Variants in ASCC3 observed in about 807,000 individuals in gnomAD.
The protein encoded by ASCC3 is ASC-1 complex subunit P200.
In ASCC3, 158 loss-of-function variants were observed where a neutral mutation model predicts 256.3. The ratio of observed to expected loss-of-function variants is 0.62; its 90% CI spans 0.54 to 0.70. The LOEUF is 0.70. Ranked by LOEUF, ASCC3 falls within the 30% of genes least tolerant of loss-of-function variation. The pLI is 0.00. For missense variants in ASCC3, 2,259 were observed against 2,626.0 expected, an observed-to-expected ratio of 0.86 and a Z score of 3.05; for synonymous variants, 948 against 883.4, an observed-to-expected ratio of 1.07 and a Z score of -1.30.
At chr6:100,855,112 T>C (rs991454292) in intron 3 of ASCC3, among the ~76,000 whole-genome samples, 35 of 91,636 alleles carry the variant, frequency 3.8e-4, no homozygotes, top group African/African-American at 7.9e-4. Flanking sequence ...TCAAGAACCT[T>C]TTTTTTTTTT....
At chr6:100,636,870 G>C (rs1774872241) in intron 25 of ASCC3, among the ~76,000 whole-genome samples, 1 of 152,304 alleles carries the variant, frequency 6.6e-6, no homozygotes, top group Non-Finnish European at 1.5e-5. Context: ...GCTGAGAGTG[G>C]TGAGGACACT....
intron 13 of ASCC3, among the ~76,000 whole-genome samples, chr6:100,701,473 C>T (rs1037148616): frequency 2.6e-5 from 4 of 152,080 alleles, no homozygotes; most frequent in Non-Finnish European, 5.9e-5. Flanking sequence ...AAAACCTCTT[C>T]CTTGTGTAAA....
chr6:100,706,194 G>T (rs1582730437), intron 13 of ASCC3, among the ~76,000 whole-genome samples: 1 of 7,300 alleles, frequency 1.4e-4, no homozygotes, highest in African/African-American at 1.5e-4. Context: ...TTTAGATAAC[G>T]TGAAAAACTG....
At chr6:100,627,313 A>G (rs1211751461) in intron 29 of ASCC3, among the ~76,000 whole-genome samples, 1 of 152,156 alleles carries the variant, frequency 6.6e-6, no homozygotes, top group Non-Finnish European at 1.5e-5. Flanking sequence ...TACTATCATA[A>G]AAACACTTTG....
At chr6:100,628,918 A>AAT in intron 27 of ASCC3, 97 bp downstream of exon 27, 4 of 1,149,640 alleles carry the variant, frequency 3.5e-6, no homozygotes, top group South Asian at 1.5e-5. Context: ...GTGCCCTAGA[A>AAT]ATATATATAA....
At chr6:100,872,555 C>T (rs1773798221) in intron 1 of ASCC3, among the ~76,000 whole-genome samples, 2 of 151,862 alleles carry the variant, frequency 1.3e-5, no homozygotes, top group Admixed American at 6.6e-5. Flanking sequence ...GCATTGTAAA[C>T]TCTTGCTCCA....
chr6:100,695,633 C>T (rs1778046260), intron 13 of ASCC3, among the ~76,000 whole-genome samples: 1 of 152,196 alleles, frequency 6.6e-6, no homozygotes, highest in African/African-American at 2.4e-5. Flanking sequence ...AAGATATAGG[C>T]CTTCCTTTCC....
At chr6:100,853,790 A>C (rs1042563059) in intron 3 of ASCC3, among the ~76,000 whole-genome samples, 5 of 152,178 alleles carry the variant, frequency 3.3e-5, no homozygotes, top group African/African-American at 1.2e-4. Flanking sequence ...GAAGTTGTCA[A>C]CAAATGAGTT....
At chr6:100,879,644 C>A (rs1351644391) in intron 1 of ASCC3, among the ~76,000 whole-genome samples, 1 of 147,612 alleles carries the variant, frequency 6.8e-6, no homozygotes, top group African/African-American at 2.4e-5. Context: ...CTGATTTCTA[C>A]CTCAAAAGAA....
At chr6:100,728,427 G>T (rs547343936) in intron 10 of ASCC3, among the ~76,000 whole-genome samples, 19 of 152,080 alleles carry the variant, frequency 1.2e-4, no homozygotes, top group Admixed American at 1.0e-3. Context: ...TTGAAAAACT[G>T]CTTGGTAACA....
Position 100,627,846 on chromosome 6 carries a change from T to A in ASCC3, c.4517A>T (p.Lys1506Met), listed in dbSNP as rs1191463551. The change falls in exon 28 of 42, where the codon AAG becomes ATG. Residue 1506 changes from lysine to methionine, a missense_variant. Physicochemically the swap from Lys to Met is moderately conservative, Grantham distance 95. Transcript: ENST00000369162. Reference protein sequence around the residue: ...ARDLADWLNIKQMGLFNFRPS... With the variant: ...ARDLADWLNIMQMGLFNFRPS... ...ATTTATCAATCTTCTACATACCTGC[T>A]TAATATTGAGCCAATCAGCAAGGTC... 1 of 1,613,552 alleles carries A rather than the reference T, an allele frequency of 6.2e-7. No individual in the cohort carries two copies. Among genetic ancestry groups the A allele is most frequent in the Non-Finnish European group, 8.5e-7 (1 of 1,179,788 alleles).
chr6:100,608,090 C>CTA (rs1474884642), intron 30 of ASCC3, among the ~76,000 whole-genome samples: 12,495 of 70,156 alleles, frequency 0.18, 2,268 homozygotes, highest in Middle Eastern at 0.26. Flanking sequence ...GTATATATAT[C>CTA]TATATACACA....
intron 33 of ASCC3, among the ~76,000 whole-genome samples, chr6:100,603,889 T>C (rs1772750920): frequency 6.6e-6 from 1 of 152,102 alleles, no homozygotes; most frequent in African/African-American, 2.4e-5. Context: ...GTTTGTTATA[T>C]TCCCTTCTCG....
chr6:100,612,936 G>A, intron 30 of ASCC3, among the ~76,000 whole-genome samples: 1 of 151,698 alleles, frequency 6.6e-6, no homozygotes, highest in South Asian at 2.1e-4. Flanking sequence ...ATATATAAGT[G>A]AAATATAAAT....
At chr6:100,619,791 G>A (rs1773854984) in intron 30 of ASCC3, among the ~76,000 whole-genome samples, 1 of 151,908 alleles carries the variant, frequency 6.6e-6, no homozygotes, top group Non-Finnish European at 1.5e-5. Flanking sequence ...GTAGAATACG[G>A]CATTAGTTAG....
At chr6:100,796,550 T>A (rs572497144) in intron 8 of ASCC3, among the ~76,000 whole-genome samples, 4 of 152,172 alleles carry the variant, frequency 2.6e-5, no homozygotes, top group South Asian at 4.1e-4. Flanking sequence ...CCTAACCTGA[T>A]AGGGCTGGTG....
chr6:100,527,175 T>C (rs756274095), intron 37 of ASCC3, among the ~76,000 whole-genome samples: 6 of 152,190 alleles, frequency 3.9e-5, no homozygotes, highest in Non-Finnish European at 8.8e-5. Flanking sequence ...CCCCAATGTA[T>C]GCTTATAGTA....
At chr6:100,649,506 T>C (rs1324274985) in intron 20 of ASCC3, among the ~76,000 whole-genome samples, 1 of 151,570 alleles carries the variant, frequency 6.6e-6, no homozygotes, top group Non-Finnish European at 1.5e-5. Context: ...AATTTATGAA[T>C]TATATAACCT....
intron 3 of ASCC3, among the ~76,000 whole-genome samples, chr6:100,854,044 A>G (rs529849726): frequency 5.0e-4 from 76 of 152,290 alleles, no homozygotes; most frequent in Non-Finnish European, 5.9e-4. Flanking sequence ...AACAAGTACA[A>G]TATCTAAACT....
Sources: gnomAD v4.1 joint callset for allele counts (sites outside exome capture counted in the v4.1 genomes callset) on GRCh38, gnomAD v4.1.1 for gene constraint, MANE v1.5 for transcripts, NCBI Gene and HGNC (gene_info 2026-07-23, HGNC 2026-07-21) for gene names.